OTUD7A: variants seen among roughly 807,000 people sequenced by gnomAD.
OTUD7A encodes the protein OTU domain-containing protein 7A.
A neutral mutation model predicts 65.7 loss-of-function variants in OTUD7A; 12 were observed. The ratio of observed to expected loss-of-function variants is 0.18; its 90% CI spans 0.12 to 0.30. OTUD7A has a LOEUF of 0.30. Ranked by LOEUF, OTUD7A falls within the 10% of genes least tolerant of loss-of-function variation. OTUD7A has a pLI of 1.00. For missense variants in OTUD7A, 1,148 were observed against 1,304.8 expected (o/e 0.88, Z 1.85); for synonymous variants, 641 against 586.3 (o/e 1.09, Z -1.35).
In OTUD7A at chr15:31,483,292, G is replaced by A; in HGVS notation, c.*2C>T. On this transcript the variant is annotated 3_prime_UTR_variant, in exon 13 of 13. Transcript: ENST00000307050. Reference sequence around the variant, plus strand: ...CTCGCCGCCCGCGCCGCGCCGCGCCGCTCAGGGCCGGGCCCCGCGCGCCTC... The same window carrying A: ...CTCGCCGCCCGCGCCGCGCCGCGCCACTCAGGGCCGGGCCCCGCGCGCCTC... 2.6e-6 allele frequency: 3 copies of A among 1,133,688 alleles called. No homozygotes were observed. Among genetic ancestry groups the A allele is most frequent in the Non-Finnish European group, 3.2e-6 (3 of 927,160 alleles). 70.2% of individuals were successfully genotyped at this position (1,133,688 alleles called of 1,614,324 possible).
intron 1 of OTUD7A, among the ~76,000 whole-genome samples, chr15:31,848,306 CAG>C (rs777220068): frequency 6.6e-6 from 1 of 152,118 alleles, no homozygotes; most frequent in Non-Finnish European, 1.5e-5. Flanking sequence ...ATAGCAAAAA[CAG>C]GGGTAAGGCA....
chr15:31,777,998 G>A (rs116563358), intron 1 of OTUD7A, among the ~76,000 whole-genome samples: 3,538 of 152,218 alleles, frequency 0.023, 164 homozygotes, highest in African/African-American at 0.08. Flanking sequence ...TCTTAGACAC[G>A]GTTCTGGTGG....
chr15:31,766,503 A>T, intron 1 of OTUD7A: 1 of 1,609,392 alleles, frequency 6.2e-7, no homozygotes, highest in Admixed American at 1.7e-5. Context: ...TCTTTTATTG[A>T]TTGTGGCACT....
At chr15:31,612,778 G>C (rs1890468294) in intron 3 of OTUD7A, among the ~76,000 whole-genome samples, 1 of 152,070 alleles carries the variant, frequency 6.6e-6, no homozygotes, top group Non-Finnish European at 1.5e-5. Context: ...ATTCTTCACA[G>C]AATTAGAAAA....
At chr15:31,501,590 G>A (rs2041465644) in intron 10 of OTUD7A, 100 bp downstream of exon 10, 1 of 1,482,196 alleles carries the variant, frequency 6.7e-7, no homozygotes, top group Non-Finnish European at 9.3e-7. Context: ...CTTCTAAGGG[G>A]GGGTCTCCAC....
At chr15:31,552,217 C>T (rs1435371357) in intron 5 of OTUD7A, among the ~76,000 whole-genome samples, 1 of 152,206 alleles carries the variant, frequency 6.6e-6, no homozygotes, top group East Asian at 1.9e-4. Context: ...GAAGCAGATG[C>T]TGGCCCCATG....
rs1894721440 is a variant in OTUD7A at position 31,753,717 on chromosome 15, T to TC, written c.-99-96641_-99-96640insG. Among the ~76,000 whole-genome samples, 3 of 85,622 alleles carry TC rather than the reference T, an allele frequency of 3.5e-5. 1 individual carries two copies. The highest frequency in any genetic ancestry group is 1.6e-4 in the African/African-American group (3 of 19,192). The allele number at this position is 85,622 out of a possible 152,430, so 56.2% of individuals were successfully genotyped here. On this transcript the variant is annotated intron_variant, in intron 1 of 12. Coordinates refer to ENST00000307050, the MANE Select transcript of OTUD7A (RefSeq NM_001382637.1). The stretch of plus-strand genomic sequence containing the variant: ...TATATATATATTATATATATATATA[T>TC]ATATTATATATATATATATATATCT...
intron 4 of OTUD7A, among the ~76,000 whole-genome samples, chr15:31,562,580 C>G (rs919715859): frequency 6.6e-6 from 1 of 151,800 alleles, no homozygotes; most frequent in Admixed American, 6.6e-5. Context: ...CTCCTGTTTC[C>G]AAGGAACTGT....
chr15:31,717,859 A>G (rs1355668650), intron 1 of OTUD7A, among the ~76,000 whole-genome samples: 10 of 152,212 alleles, frequency 6.6e-5, no homozygotes, highest in Non-Finnish European at 1.5e-4. Context: ...TCCCACCAAC[A>G]GTGTAAAAGC....
At chr15:31,561,250 C>T (rs1219857283) in intron 4 of OTUD7A, among the ~76,000 whole-genome samples, 1 of 152,232 alleles carries the variant, frequency 6.6e-6, no homozygotes, top group Non-Finnish European at 1.5e-5. Context: ...CGGCCCATTG[C>T]TTCCCACGCT....
intron 3 of OTUD7A, among the ~76,000 whole-genome samples, chr15:31,652,118 A>G (rs1263355528): frequency 6.6e-6 from 1 of 152,214 alleles, no homozygotes; most frequent in Non-Finnish European, 1.5e-5. Context: ...ATATGGCACA[A>G]TGTTGATAAA....
At chr15:31,830,906 T>A (rs1477713768) in intron 1 of OTUD7A, among the ~76,000 whole-genome samples, 1 of 152,200 alleles carries the variant, frequency 6.6e-6, no homozygotes, top group Non-Finnish European at 1.5e-5. Context: ...GAACATGGGA[T>A]AGAAGTTTGG....
intron 1 of OTUD7A, among the ~76,000 whole-genome samples, chr15:31,826,475 CA>C (rs1896801047): frequency 6.6e-6 from 1 of 152,214 alleles, no homozygotes; most frequent in Non-Finnish European, 1.5e-5. Flanking sequence ...ACCCTGGGCC[CA>C]GCCCACGAAA....
At chr15:31,522,068 A>G (rs1295335047) in intron 8 of OTUD7A, among the ~76,000 whole-genome samples, 1 of 152,192 alleles carries the variant, frequency 6.6e-6, no homozygotes, top group African/African-American at 2.4e-5. Flanking sequence ...GGTCAGTTCT[A>G]AGTTCAGGTT....
rs372323034 is a variant in OTUD7A at position 31,763,281 on chromosome 15, T to TCAACAA, written c.-99-106210_-99-106205dup. On this transcript the variant is annotated intron_variant, in intron 1 of 12. Coordinates refer to ENST00000307050, the MANE Select transcript of OTUD7A (RefSeq NM_001382637.1). ...CTGGGCAACAGAGCGAGACTCCATC[T>TCAACAA]CAACAACAACAACAACAACAACAAC... is the stretch of plus-strand genomic sequence containing the variant. 5.5e-4 allele frequency among the ~76,000 whole-genome samples: 83 copies of TCAACAA among 151,108 alleles called. No individual in the cohort carries two copies. In the East Asian group the frequency reaches 6.4e-3, roughly 12 times the overall value.
At chr15:31,501,155 C>T (rs1181974058) in intron 10 of OTUD7A, among the ~76,000 whole-genome samples, 1 of 152,212 alleles carries the variant, frequency 6.6e-6, no homozygotes, top group Non-Finnish European at 1.5e-5. Flanking sequence ...CAGGGGTGAG[C>T]AAACTCTTCC....
intron 3 of OTUD7A, among the ~76,000 whole-genome samples, chr15:31,628,498 T>A (rs1891036166): frequency 6.6e-6 from 1 of 152,210 alleles, no homozygotes; most frequent in African/African-American, 2.4e-5. Flanking sequence ...TACTGTAGCC[T>A]TGTAGTATAG....
chr15:31,799,593 C>A (rs1430899750), intron 1 of OTUD7A, among the ~76,000 whole-genome samples: 1 of 152,174 alleles, frequency 6.6e-6, no homozygotes, highest in Admixed American at 6.5e-5. Context: ...AGGGAGAAGG[C>A]ATCCACCTGC....
At chr15:31,526,838 C>T (rs989999204) in intron 7 of OTUD7A, among the ~76,000 whole-genome samples, 2 of 152,210 alleles carry the variant, frequency 1.3e-5, no homozygotes, top group Non-Finnish European at 2.9e-5. Context: ...TGAGCTCACA[C>T]ACAGGGGCTG....
Sources: allele counts gnomAD v4.1 joint callset (sites outside exome capture counted in the v4.1 genomes callset), GRCh38; gene constraint gnomAD v4.1.1; transcripts MANE v1.5; gene names NCBI Gene and HGNC (gene_info 2026-07-23, HGNC 2026-07-21).